COL9A3: variants seen among roughly 807,000 people sequenced by gnomAD.
The protein encoded by COL9A3 is collagen type IX alpha 3 chain, also known as collagen alpha-3(IX) chain.
Under a neutral mutation model 110.2 loss-of-function variants are expected in COL9A3, and 82 were observed. The observed-to-expected ratio is 0.74, with a 90% CI of 0.62 to 0.89. The LOEUF (loss-of-function observed/expected upper bound fraction) is 0.89, where lower values mean the gene tolerates loss of function less well. Ranked by LOEUF, COL9A3 falls within the 40% of genes least tolerant of loss-of-function variation. The pLI, the probability that COL9A3 is intolerant of heterozygous loss-of-function variation, is 0.00. For synonymous variants in COL9A3, 494 were observed against 403.8 expected (o/e 1.22, Z -2.68); for missense variants, 1,066 against 981.3 (o/e 1.09, Z -1.15).
At chr20:62,835,682 C>T (rs1292639132) in intron 26 of COL9A3, among the ~76,000 whole-genome samples, 1 of 152,088 alleles carries the variant, frequency 6.6e-6, no homozygotes. Flanking sequence ...GAGACAGCAC[C>T]GTGCAGCTAA....
intron 2 of COL9A3, chr20:62,818,015 A>G (rs1291155107): frequency 2.8e-6 from 1 of 362,762 alleles, no homozygotes; most frequent in South Asian, 2.6e-5. Context: ...CCAGCCATGG[A>G]GGGGGCTTAG....
chr20:62,827,617 G>A (rs2063564585), intron 16 of COL9A3, among the ~76,000 whole-genome samples: 1 of 152,234 alleles, frequency 6.6e-6, no homozygotes, highest in South Asian at 2.1e-4. Flanking sequence ...CATAAGGAAA[G>A]TCCAGAGGCA....
At position 62,822,603 on chromosome 20, in the gene COL9A3, G is replaced by A. The variant is rs1388145484; in HGVS notation, c.490G>A (p.Val164Ile). 6.2e-7 allele frequency: 1 copy of A among 1,612,678 alleles called. No homozygotes were observed. Among genetic ancestry groups the A allele is most frequent in the Admixed American group, 1.7e-5 (1 of 60,024 alleles). ...CTTTTTGTCTTAGGGACACCCAGGA[G>A]TCCTCCCTGAAGGCGCTACTGACCT... The part of the protein sequence containing the change: ...GPPGPPGHPG[V>I]LPEGATDLQC... Residue 164 changes from valine (V) to isoleucine (I), a missense_variant, in exon 10 of 32, where the codon GTC becomes ATC. Coordinates refer to ENST00000649368, the MANE Select transcript of COL9A3 (RefSeq NM_001853.4).
Position 62,829,660 on chromosome 20 carries a change from C to T in COL9A3, c.1086C>T (p.Pro362=), listed in dbSNP as rs750542847. Residue 362 remains proline (P), a synonymous_variant, in exon 21 of 32, where the codon CCC becomes CCT. Transcript: ENST00000649368. ...GRAGELGEAG[P]SGEPGVPGDA... ...CTGGGGAGCTGGGTGAGGCCGGCCC[C>T]TCTGGAGAGCCAGGCGTCCCTGTGA... The T allele has an allele frequency of 1.2e-6, 2 of 1,609,640 alleles. No individual in the cohort carries two copies. Among genetic ancestry groups the T allele is most frequent in the Non-Finnish European group, 8.5e-7 (1 of 1,178,768 alleles).
chr20:62,828,526 G>A (rs1443856760), intron 17 of COL9A3, among the ~76,000 whole-genome samples: 2 of 152,246 alleles, frequency 1.3e-5, no homozygotes, highest in Non-Finnish European at 2.9e-5. Flanking sequence ...CGAGGCCTCG[G>A]GCGTCAGCAC....
chr20:62,824,429 C>T lies in COL9A3; in HGVS notation c.520-16C>T. On this transcript the variant is annotated splice_polypyrimidine_tract_variant and intron_variant, in intron 10 of 31. Coordinates refer to ENST00000649368, the MANE Select transcript of COL9A3 (RefSeq NM_001853.4). The stretch of plus-strand genomic sequence containing the variant: ...TGTTTGGCTGGGAGGGGTCTGACTG[C>T]TCTGTTTTCCGACAGTGCCCAAGTA... 6.3e-7 allele frequency: 1 copy of T among 1,595,066 alleles called. No individual in the cohort carries two copies.
chr20:62,825,546 C>T (rs1469634350), intron 12 of COL9A3: 4 of 569,832 alleles, frequency 7.0e-6, no homozygotes, highest in Admixed American at 3.0e-5. Flanking sequence ...CAGAGGGGTC[C>T]CTGCTTGGCC....
chr20:62,821,275 G>A (rs2063510155), intron 6 of COL9A3, 59 bp downstream of exon 6: 1 of 1,561,862 alleles, frequency 6.4e-7, no homozygotes, highest in Non-Finnish European at 8.8e-7. Context: ...GGAGAGTCTG[G>A]TCTAAATGGG....
chr20:62,834,582 G>T (rs2063620904), intron 26 of COL9A3, among the ~76,000 whole-genome samples: 1 of 152,188 alleles, frequency 6.6e-6, no homozygotes. Context: ...CCACAGCCCA[G>T]TGTAAACTTT....
chr20:62,817,019 C>T (rs1408685964), upstream of COL9A3: 1 of 1,144,616 alleles, frequency 8.7e-7, no homozygotes. Flanking sequence ...CCCCGCCCGC[C>T]CGCGCGCCGC....
chr20:62,830,836 C>A (rs2063592162), intron 24 of COL9A3, among the ~76,000 whole-genome samples: 1 of 121,436 alleles, frequency 8.2e-6, no homozygotes, highest in Non-Finnish European at 1.7e-5. Flanking sequence ...GAGGCCCTTG[C>A]AGCTCCCAGT....
At chr20:62,837,409 G>A in intron 30 of COL9A3, 144 bp downstream of exon 30, 1 of 811,238 alleles carries the variant, frequency 1.2e-6, no homozygotes. Flanking sequence ...TTGGGGCCTA[G>A]CGCAGTTAAC....
At position 62,819,923 on chromosome 20, in the gene COL9A3, C is replaced by T; in HGVS notation, c.256-6C>T. The T allele has an allele frequency of 2.5e-6, 4 of 1,612,882 alleles. No individual in the cohort carries two copies. The highest frequency in any genetic ancestry group is 3.4e-6 in the Non-Finnish European group (4 of 1,179,986). The stretch of plus-strand genomic sequence containing the variant: ...CCCCTCGAGCTCGCCCTCTGCCTCT[C>T]CCCAGGGTCTGACTGGACGAGATGG... On this transcript the variant is annotated splice_region_variant and splice_polypyrimidine_tract_variant and intron_variant, in intron 4 of 31. Coordinates refer to ENST00000649368, the MANE Select transcript of COL9A3 (RefSeq NM_001853.4).
intron 12 of COL9A3, chr20:62,825,497 T>C (rs1324624634): frequency 1.4e-5 from 7 of 493,498 alleles, no homozygotes; most frequent in South Asian, 7.1e-5. Context: ...CCCTTTAGCG[T>C]GGCTGGAGTG....
At position 62,840,654 on chromosome 20, in the gene COL9A3, G is replaced by A. The variant is rs151053308; in HGVS notation, c.1977G>A (p.Pro659=). The change falls in exon 32 of 32, where the codon CCG becomes CCA. Residue 659 remains proline, a synonymous_variant. Transcript: ENST00000649368. ...LPGAIGAQGT[P]GICDTSACQG... Reference sequence around the variant, plus strand: ...GTGCCATTGGGGCCCAGGGGACACCGGGGATCTGCGACACCTCAGCCTGCC... The same window carrying A: ...GTGCCATTGGGGCCCAGGGGACACCAGGGATCTGCGACACCTCAGCCTGCC... 119 of 1,608,626 alleles carry A rather than the reference G, an allele frequency of 7.4e-5. No homozygotes were observed. The African/African-American group carries it at 1.2e-3, about 16-fold the overall frequency.
intron 1 of COL9A3, 119 bp from the exon 2 acceptor site, chr20:62,817,448 T>A: frequency 1.4e-6 from 1 of 723,300 alleles, no homozygotes; most frequent in Non-Finnish European, 2.3e-6. Context: ...GCTTTGGGTC[T>A]CACCGAGGAG....
Position 62,830,433 on chromosome 20 carries a change from G to A in COL9A3, c.1215+20G>A, listed in dbSNP as rs761759469. ...TTCCAGGTGGGTGAGGTTGGGGCAA[G>A]GGCCTGGCATGGGGGGCGGCACACC... is the stretch of plus-strand genomic sequence containing the variant. On this transcript the variant is annotated intron_variant, in intron 23 of 31. Transcript: ENST00000649368. The A allele has an allele frequency of 1.9e-6, 3 of 1,565,744 alleles. No homozygotes were observed. The highest frequency in any genetic ancestry group is 1.9e-5 in the Admixed American group (1 of 53,114).
intron 31 of COL9A3, among the ~76,000 whole-genome samples, chr20:62,840,259 A>G (rs2063666078): frequency 1.4e-5 from 2 of 140,608 alleles, no homozygotes; most frequent in Non-Finnish European, 3.1e-5. Context: ...CCTTACTCAC[A>G]CAGCCCCCAC....
At chr20:62,830,645 G>GC in intron 24 of COL9A3, 57 bp downstream of exon 24, 1 of 837,346 alleles carries the variant, frequency 1.2e-6, no homozygotes, top group Non-Finnish European at 1.7e-6. Context: ...ATGTACCACA[G>GC]TCCCCCACCC....
Sources: allele counts gnomAD v4.1 joint callset (sites outside exome capture counted in the v4.1 genomes callset), GRCh38; gene constraint gnomAD v4.1.1; transcripts MANE v1.5; gene names NCBI Gene and HGNC (gene_info 2026-07-23, HGNC 2026-07-21).